CEP68: variants seen among roughly 807,000 people sequenced by gnomAD.
The protein encoded by CEP68 is centrosomal protein 68.
In CEP68, 26 loss-of-function variants were observed where a neutral mutation model predicts 55.3. The observed-to-expected ratio is 0.47, with a 90% CI of 0.34 to 0.65. The LOEUF is 0.65. Among genes scored for constraint, CEP68 ranks in the 30% least tolerant of loss-of-function variants. The pLI, the probability that CEP68 is intolerant of heterozygous loss-of-function variation, is 0.01. For synonymous variants in CEP68, 402 were observed against 383.2 expected, an observed-to-expected ratio of 1.05 and a Z score of -0.57; for missense variants, 957 against 946.7, an observed-to-expected ratio of 1.01 and a Z score of -0.14.
chr2:65,069,777 CCTT>C lies in CEP68; in HGVS notation c.336_338del (p.Leu114del), dbSNP rs749851511. On this transcript the variant is annotated inframe_deletion, in exon 2 of 7. Transcript: ENST00000377990. ...CTCCTGCCACCATGGGGTCTGGAGA[CCTT>C]CTGCTCTCCGGGGAAAGCCAGGTAG... 1.2e-5 allele frequency: 20 copies of C among 1,613,880 alleles called. No homozygotes were observed. The highest frequency in any genetic ancestry group is 3.3e-5 in the Admixed American group (2 of 60,004).
intron 1 of CEP68, among the ~76,000 whole-genome samples, chr2:65,062,548 AAAAG>A (rs1425436943): frequency 5.4e-5 from 8 of 147,898 alleles, no homozygotes; most frequent in Admixed American, 2.0e-4. Context: ...AAAAAAAAAA[AAAAG>A]AGGCGGGGCG....
At chr2:65,079,693 G>T (rs1217991887) in intron 5 of CEP68, among the ~76,000 whole-genome samples, 1 of 152,224 alleles carries the variant, frequency 6.6e-6, no homozygotes, top group Non-Finnish European at 1.5e-5. Context: ...TCACAGCCCT[G>T]TGAGATGGAT....
At chr2:65,074,774 C>G (rs543235299) in intron 4 of CEP68, 4 of 242,132 alleles carry the variant, frequency 1.7e-5, no homozygotes, top group African/African-American at 7.0e-5. Flanking sequence ...ACCCCCCCCC[C>G]TCAAAAAAAA....
intron 1 of CEP68, among the ~76,000 whole-genome samples, chr2:65,069,148 G>A (rs1163798800): frequency 6.6e-6 from 1 of 152,158 alleles, no homozygotes; most frequent in African/African-American, 2.4e-5. Flanking sequence ...TGACCCTCTT[G>A]GGTTTCTGCT....
chr2:65,082,995 C>T (rs1010121174), intron 6 of CEP68, among the ~76,000 whole-genome samples: 2 of 152,206 alleles, frequency 1.3e-5, no homozygotes, highest in South Asian at 2.1e-4. Context: ...CATCCCAAGA[C>T]AAGAGCAGCA....
At chr2:65,076,231 G>C (rs2103788168) in intron 4 of CEP68, among the ~76,000 whole-genome samples, 1 of 152,292 alleles carries the variant, frequency 6.6e-6, no homozygotes, top group Middle Eastern at 3.4e-3. Context: ...TACCACTACA[G>C]AGAGAGGAAG....
intron 1 of CEP68, among the ~76,000 whole-genome samples, chr2:65,056,755 G>C (rs1675619566): frequency 6.6e-6 from 1 of 152,094 alleles, no homozygotes; most frequent in African/African-American, 2.4e-5. Flanking sequence ...TCTTGCGAGC[G>C]GAACGGCGTG....
intron 1 of CEP68, among the ~76,000 whole-genome samples, chr2:65,064,108 T>C (rs1676038482): frequency 6.6e-6 from 1 of 152,216 alleles, no homozygotes; most frequent in African/African-American, 2.4e-5. Flanking sequence ...AATCATTGAA[T>C]TTCAGATCTT....
rs1170749302 is a variant in CEP68 at position 65,069,743 on chromosome 2, G to A, written c.299G>A (p.Ser100Asn). 6.2e-7 allele frequency: 1 copy of A among 1,614,128 alleles called. No individual in the cohort carries two copies. Among genetic ancestry groups the A allele is most frequent in the Admixed American group, 1.7e-5 (1 of 60,032 alleles). ...GCTGAGAGGTCTGAGCCTGCACTCAGTGGCCTGCCTCCTGCCACCATGGGG... is the reference window on the plus strand; with the variant it reads ...GCTGAGAGGTCTGAGCCTGCACTCAATGGCCTGCCTCCTGCCACCATGGGG... ...PVAERSEPAL[S>N]GLPPATMGSG... The change falls in exon 2 of 7, where the codon AGT becomes AAT. Residue 100 changes from serine (S) to asparagine (N), a missense_variant. Ser to Asn is a conservative substitution (Grantham distance 46, BLOSUM62 1). Coordinates refer to ENST00000377990, the MANE Select transcript of CEP68 (RefSeq NM_015147.3).
rs187449078 is a variant in CEP68 at position 65,080,692 on chromosome 2, C to G, written c.2105-1844C>G. On this transcript the variant is annotated intron_variant, in intron 5 of 6. Coordinates refer to ENST00000377990, the MANE Select transcript of CEP68 (RefSeq NM_015147.3). The stretch of plus-strand genomic sequence containing the variant: ...AATTAGCTGGGCATGGTGGCGGGCG[C>G]CTGTAATCCCAGCTACTCAGGAGGC... 5 of 281,552 alleles carry G rather than the reference C, an allele frequency of 1.8e-5. No individual in the cohort carries two copies. In the East Asian group the frequency reaches 5.3e-4, roughly 30 times the overall value. The allele number at this position is 281,552 out of a possible 1,614,324, so 17.4% of individuals were successfully genotyped here.
At chr2:65,073,600 C>T (rs866280478) in intron 3 of CEP68, 1 of 163,102 alleles carries the variant, frequency 6.1e-6, no homozygotes, top group African/African-American at 2.4e-5. Flanking sequence ...AATGTTGGCT[C>T]AGCCTCTTGA....
rs186418232 is a variant in CEP68 at position 65,069,682 on chromosome 2, C to A, written c.238C>A (p.Gln80Lys). 9.9e-6 allele frequency: 16 copies of A among 1,614,112 alleles called. No homozygotes were observed. In the East Asian group the frequency reaches 3.6e-4, roughly 36 times the overall value. Residue 80 changes from glutamine (Q) to lysine (K), a missense_variant, in exon 2 of 7, where the codon CAG becomes AAG. By Grantham distance (53) the Gln-to-Lys change is moderately conservative (BLOSUM62 1). Transcript: ENST00000377990. ...TDPGGPSRAH[Q>K]PQASDANREP... ...CCCTGGCGGCCCCTCTAGAGCCCACCAGCCACAGGCCAGTGATGCCAACAG... is the reference window on the plus strand; with the variant it reads ...CCCTGGCGGCCCCTCTAGAGCCCACAAGCCACAGGCCAGTGATGCCAACAG...
At chr2:65,062,382 A>G (rs1260200397) in intron 1 of CEP68, among the ~76,000 whole-genome samples, 2 of 152,046 alleles carry the variant, frequency 1.3e-5, no homozygotes, top group East Asian at 3.9e-4. Context: ...AAAAATAGAA[A>G]AATTAGCGGG....
chr2:65,074,497 GTATGT>G, intron 4 of CEP68, 93 bp downstream of exon 4: 1 of 1,554,884 alleles, frequency 6.4e-7, no homozygotes. Flanking sequence ...CCAATGTCTG[GTATGT>G]TATAGCTCAG....
At chr2:65,060,401 C>T (rs935749759) in intron 1 of CEP68, among the ~76,000 whole-genome samples, 5 of 152,122 alleles carry the variant, frequency 3.3e-5, no homozygotes, top group Non-Finnish European at 7.3e-5. Context: ...TAAGATTCTT[C>T]TCAGTCTTCA....
chr2:65,082,626 T>C lies in CEP68; in HGVS notation c.2195T>C (p.Leu732Pro). The C allele has an allele frequency of 1.9e-6, 3 of 1,612,446 alleles. No individual in the cohort carries two copies. The highest frequency in any genetic ancestry group is 1.1e-5 in the South Asian group (1 of 90,928). The change falls in exon 6 of 7, where the codon CTG (leucine) becomes CCG (proline). Residue 732 changes from leucine to proline, a missense_variant. By Grantham distance (98) the Leu-to-Pro change is moderately conservative. Transcript: ENST00000377990. ...CTGTATGACTCTATCTTGGCCTCTC[T>C]GGACATGCTGGCTGGCTGCACCCTT... ...DRLYDSILAS[L>P]DMLAGCTLIP...
At chr2:65,057,863 C>A (rs1194559149) in intron 1 of CEP68, among the ~76,000 whole-genome samples, 5 of 152,064 alleles carry the variant, frequency 3.3e-5, no homozygotes, top group Non-Finnish European at 7.4e-5. Context: ...GCCATGTTGT[C>A]CAGGCTGGTC....
At position 65,072,155 on chromosome 2, in the gene CEP68, C is replaced by T. The variant is rs145000982; in HGVS notation, c.1059C>T (p.Val353=). 1.2e-6 allele frequency: 2 copies of T among 1,614,094 alleles called. No individual in the cohort carries two copies. Among genetic ancestry groups the T allele is most frequent in the Admixed American group, 3.3e-5 (2 of 60,012 alleles). Residue 353 remains valine (V), a synonymous_variant, in exon 3 of 7, where the codon GTC becomes GTT. Coordinates refer to ENST00000377990, the MANE Select transcript of CEP68 (RefSeq NM_015147.3). ...GCACCCTCAAATCACCTACTAATGT[C>T]TCCCCCAACTGCCCACCAGCAGAGG... is the stretch of plus-strand genomic sequence containing the variant. ...PASTLKSPTN[V]SPNCPPAEAT...
At chr2:65,062,237 G>A (rs1004344499) in intron 1 of CEP68, among the ~76,000 whole-genome samples, 3 of 152,160 alleles carry the variant, frequency 2.0e-5, no homozygotes, top group African/African-American at 4.8e-5. Context: ...GGGAGCTCAC[G>A]ACTTAAAGAG....
Sources: allele counts gnomAD v4.1 joint callset (sites outside exome capture counted in the v4.1 genomes callset), GRCh38; gene constraint gnomAD v4.1.1; transcripts MANE v1.5; gene names NCBI Gene and HGNC (gene_info 2026-07-23, HGNC 2026-07-21).